Variants in CPVL observed in about 807,000 individuals in gnomAD.
CPVL encodes the protein probable serine carboxypeptidase CPVL.
In CPVL, 51 loss-of-function variants were observed where a neutral mutation model predicts 63.7. The observed-to-expected ratio is 0.80, with a 90% CI of 0.64 to 1.01. The LOEUF is 1.01. Ranked by LOEUF, CPVL falls within the 50% of genes least tolerant of loss-of-function variation. The pLI, the probability that CPVL is intolerant of heterozygous loss-of-function variation, is 0.00. For missense variants in CPVL, 530 were observed against 573.1 expected, an observed-to-expected ratio of 0.92 and a Z score of 0.77; for synonymous variants, 195 against 206.0, an observed-to-expected ratio of 0.95 and a Z score of 0.46.
At chr7:29,179,230 C>T (rs998066058) in intron 5 of CPVL, among the ~76,000 whole-genome samples, 2 of 152,184 alleles carry the variant, frequency 1.3e-5, no homozygotes, top group African/African-American at 4.8e-5. Flanking sequence ...GGCTCCATCC[C>T]CTCACACAGC....
intron 1 of CPVL, chr7:29,125,188 A>T (rs184999051): frequency 3.1e-4 from 47 of 152,282 alleles, no homozygotes; most frequent in African/African-American, 1.1e-3. Context: ...CTAAGCAAAT[A>T]TTATTGAATT....
At chr7:29,046,583 A>G (rs1789638696) in intron 11 of CPVL, among the ~76,000 whole-genome samples, 1 of 151,970 alleles carries the variant, frequency 6.6e-6, no homozygotes, top group African/African-American at 2.4e-5. Context: ...ACACACACAC[A>G]CACACACACA....
chr7:29,032,363 C>T (rs1469588228), intron 11 of CPVL, among the ~76,000 whole-genome samples: 1 of 152,110 alleles, frequency 6.6e-6, no homozygotes, highest in Non-Finnish European at 1.5e-5. Context: ...CAGTCACCAT[C>T]ACCACCCCCA....
At chr7:29,148,283 C>T (rs188435571), upstream of CPVL, among the ~76,000 whole-genome samples, 41 of 152,276 alleles carry the variant, frequency 2.7e-4, no homozygotes, top group Non-Finnish European at 5.3e-4. Flanking sequence ...CACGTGGAAC[C>T]ACTTAAAAAC....
At chr7:29,179,999 C>G (rs954604425) in intron 5 of CPVL, among the ~76,000 whole-genome samples, 1 of 152,158 alleles carries the variant, frequency 6.6e-6, no homozygotes, top group African/African-American at 2.4e-5. Flanking sequence ...TTATATTTCC[C>G]TGCAGACAGT....
At chr7:29,186,950 A>G (rs779349274) in intron 1 of CPVL, among the ~76,000 whole-genome samples, 9 of 152,180 alleles carry the variant, frequency 5.9e-5, no homozygotes, top group Non-Finnish European at 1.3e-4. Context: ...GATATTATAT[A>G]AGTTTTCTAG....
rs184202261 is a variant in CPVL at position 29,156,566 on chromosome 7, C to T, written c.-11+24724G>A. On this transcript the variant is annotated intron_variant, in intron 5 of 16. Transcript: ENST00000409850. ...TTTTGCCCTGAGGCATCTGAAGGAA[C>T]TCAGCTAAGGCATCCCCGATAAAGG... 6.7e-4 allele frequency among the ~76,000 whole-genome samples: 102 copies of T among 152,298 alleles called. 1 individual carries two copies. Among genetic ancestry groups the T allele is most frequent in the African/African-American group, 2.3e-3 (97 of 41,564 alleles).
chr7:29,020,872 A>G (rs999672443), intron 12 of CPVL, among the ~76,000 whole-genome samples: 22 of 152,352 alleles, frequency 1.4e-4, no homozygotes, highest in Admixed American at 1.4e-3. Context: ...GAAACATTAA[A>G]TCATATTAAG....
intron 11 of CPVL, among the ~76,000 whole-genome samples, chr7:29,037,569 A>G (rs921509891): frequency 2.2e-5 from 3 of 135,074 alleles, no homozygotes; most frequent in East Asian, 2.0e-4. Flanking sequence ...AAAAAAAAAA[A>G]AAAGAAAAGA....
rs149297425 is a variant in CPVL, at chr7:29,093,846, G to A, written c.463-1144C>T. Among the ~76,000 whole-genome samples the A allele has an allele frequency of 9.5e-3, 1,444 of 152,138 alleles. 18 individuals are homozygous for A. Among genetic ancestry groups the A allele is most frequent in the African/African-American group, 0.032 (1,343 of 41,498 alleles). ...AAAGAGCATGTTGACATTTTTTTCC[G>A]CTTTTATTTGTGTTCTTTTGGACCA... is the stretch of plus-strand genomic sequence containing the variant. On this transcript the variant is annotated intron_variant, in intron 5 of 12. Coordinates refer to ENST00000265394, the MANE Select transcript of CPVL (RefSeq NM_031311.5).
chr7:29,062,933 G>T (rs946727304), intron 11 of CPVL, among the ~76,000 whole-genome samples: 6 of 152,146 alleles, frequency 3.9e-5, no homozygotes, highest in African/African-American at 1.4e-4. Flanking sequence ...CTCAGTGGTG[G>T]TCTCCCCAGT....
intron 12 of CPVL, among the ~76,000 whole-genome samples, chr7:29,017,669 TTCTC>T (rs1222320870): frequency 2.0e-5 from 3 of 152,090 alleles, no homozygotes; most frequent in African/African-American, 7.2e-5. Context: ...AACCCCAATC[TTCTC>T]TCTGTCTATA....
chr7:29,113,987 G>A (rs984495117), intron 2 of CPVL, among the ~76,000 whole-genome samples: 3 of 152,186 alleles, frequency 2.0e-5, no homozygotes, highest in African/African-American at 7.2e-5. Context: ...TGGCTAGTAG[G>A]TCAGGAAGCT....
intron 1 of CPVL, among the ~76,000 whole-genome samples, chr7:29,138,869 C>T (rs1791542442): frequency 6.6e-6 from 1 of 152,194 alleles, no homozygotes; most frequent in Non-Finnish European, 1.5e-5. Flanking sequence ...TTCCCTGATC[C>T]CTCCTTCGAC....
At chr7:29,119,556 T>C (rs990856240) in intron 2 of CPVL, among the ~76,000 whole-genome samples, 6 of 150,416 alleles carry the variant, frequency 4.0e-5, no homozygotes, top group African/African-American at 1.5e-4. Flanking sequence ...CACTAAGTGA[T>C]ACCTTTTTTC....
At chr7:29,115,826 G>A (rs549054319) in intron 2 of CPVL, among the ~76,000 whole-genome samples, 2 of 152,190 alleles carry the variant, frequency 1.3e-5, no homozygotes, top group Admixed American at 6.5e-5. Context: ...TGGAACAGAG[G>A]AAAGGATGAT....
At chr7:29,061,103 C>T (rs920297924) in intron 11 of CPVL, among the ~76,000 whole-genome samples, 3 of 152,172 alleles carry the variant, frequency 2.0e-5, no homozygotes, top group African/African-American at 7.2e-5. Context: ...TTTCTGGCAA[C>T]CGATTCAGAG....
intron 3 of CPVL, chr7:29,096,525 A>G (rs967742995): frequency 4.7e-6 from 2 of 429,514 alleles, no homozygotes; most frequent in African/African-American, 1.9e-5. Context: ...CATCTAGCAT[A>G]CTGCCTGGGG....
intron 2 of CPVL, among the ~76,000 whole-genome samples, chr7:29,114,942 G>A (rs1788633501): frequency 6.6e-6 from 1 of 152,130 alleles, no homozygotes; most frequent in South Asian, 2.1e-4. Context: ...GAGGTCATGG[G>A]GACAAAAGAA....
Sources: allele counts gnomAD v4.1 joint callset (sites outside exome capture counted in the v4.1 genomes callset), GRCh38; gene constraint gnomAD v4.1.1; transcripts MANE v1.5; gene names NCBI Gene and HGNC (gene_info 2026-07-23, HGNC 2026-07-21).